DYSF: variants seen among roughly 807,000 people sequenced by gnomAD.
DYSF encodes dysferlin.
Under a neutral mutation model 274.9 loss-of-function variants are expected in DYSF, and 212 were observed. That is an observed-to-expected ratio of 0.77 (90% CI 0.69 to 0.86). The LOEUF (loss-of-function observed/expected upper bound fraction) is 0.86, where lower values mean the gene tolerates loss of function less well. Among genes scored for constraint, DYSF ranks in the 40% least tolerant of loss-of-function variants. The pLI, the probability that DYSF is intolerant of heterozygous loss-of-function variation, is 0.00. For missense variants in DYSF, 2,666 were observed against 2,783.2 expected, an observed-to-expected ratio of 0.96 and a Z score of 0.95; for synonymous variants, 1,091 against 1,078.7, an observed-to-expected ratio of 1.01 and a Z score of -0.22.
rs1228463747 is a variant in DYSF at position 71,555,964 on chromosome 2, G to A, written c.2110-1G>A. 1 of 1,558,298 alleles carries A rather than the reference G, an allele frequency of 6.4e-7. No individual in the cohort carries two copies. ...CTGACCCTTGCCTGCCCATTCCACA[G>A]GAAGCTGGCCTGGAGCAGGTCCACC... On this transcript the variant is annotated splice_acceptor_variant, in intron 21 of 55. Coordinates refer to ENST00000410020, the MANE Select transcript of DYSF (RefSeq NM_001130987.2). LOFTEE classifies it high-confidence loss of function.
At chr2:71,638,352 T>C (rs1430168694) in intron 41 of DYSF, among the ~76,000 whole-genome samples, 3 of 112,778 alleles carry the variant, frequency 2.7e-5, no homozygotes, top group Admixed American at 1.0e-4. Context: ...TAGAATATCC[T>C]CATCACTGCA....
In DYSF at chr2:71,611,362, C is replaced by T; in HGVS notation, c.4059+16C>T. On this transcript the variant is annotated intron_variant, in intron 37 of 55. Transcript: ENST00000410020. ...CGCCATCGAGGTGAGCCGTCCGGGC[C>T]TGGGCGTGGGGGCTGGGAGCAGCCT... 1 of 1,612,676 alleles carries T rather than the reference C, an allele frequency of 6.2e-7. No individual in the cohort carries two copies. The highest frequency in any genetic ancestry group is 1.6e-4 in the Middle Eastern group (1 of 6,062).
At chr2:71,675,083 A>G (rs1033982944) in intron 52 of DYSF, among the ~76,000 whole-genome samples, 5 of 152,088 alleles carry the variant, frequency 3.3e-5, no homozygotes, top group African/African-American at 1.2e-4. Flanking sequence ...CTTCATGTAT[A>G]TGAAATGTCC....
Position 71,466,921 on chromosome 2 carries a change from C to T in DYSF, c.79C>T (p.Leu27=). 1 of 1,550,128 alleles carries T rather than the reference C, an allele frequency of 6.5e-7. No homozygotes were observed. The change falls in exon 1 of 56, where the codon CTG becomes TTG. Residue 27 remains leucine (L), a synonymous_variant. Transcript: ENST00000410020. Reference sequence around the variant, plus strand: ...CCGGCGCAGCGACCCTGTCGCAAGCCTGACTTTCCGAGGTGAGAGCCCCGT... The same window carrying T: ...CCGGCGCAGCGACCCTGTCGCAAGCTTGACTTTCCGAGGTGAGAGCCCCGT... ...KDRRSDPVAS[L]TFRGVKKRTK...
Position 71,681,103 on chromosome 2 carries a change from G to A in DYSF, c.6166G>A (p.Asp2056Asn). The A allele has an allele frequency of 6.2e-7, 1 of 1,614,010 alleles. No homozygotes were observed. Among genetic ancestry groups the A allele is most frequent in the Non-Finnish European group, 8.5e-7 (1 of 1,180,024 alleles). Residue 2056 changes from aspartate (D) to asparagine (N), a missense_variant, in exon 54 of 56, where the codon GAC becomes AAC. Physicochemically the swap from Asp to Asn is conservative, Grantham distance 23 (BLOSUM62 1). Around this residue, in one of 3 missense-constraint regions of DYSF, gnomAD observed 1,460 missense variants for 1,502.1 expected, o/e 0.97. Transcript: ENST00000410020. ...DEPNMNPKLE[D>N]PRRPDTSFLW... is the part of the protein sequence containing the mutation. ...GCCCAACATGAACCCTAAGCTTGAG[G>A]ACCCAAGGTCAGTGCCCAGCCCCTG...
chr2:71,674,312 A>G lies in DYSF; in HGVS notation c.5884+16A>G, dbSNP rs1222913722. 1 of 1,611,552 alleles carries G rather than the reference A, an allele frequency of 6.2e-7. No homozygotes were observed. The highest frequency in any genetic ancestry group is 8.5e-7 in the Non-Finnish European group (1 of 1,177,600). ...GATTTTCTGGGTAAGCGCTATTGCT[A>G]GAATCCCATTCTGCACATGGGGGCT... is the stretch of plus-strand genomic sequence containing the variant. On this transcript the variant is annotated intron_variant, in intron 52 of 55. Transcript: ENST00000410020.
intron 55 of DYSF, among the ~76,000 whole-genome samples, chr2:71,684,614 T>C (rs960150680): frequency 2.0e-5 from 3 of 152,116 alleles, no homozygotes; most frequent in Admixed American, 6.5e-5. Flanking sequence ...CGTGGGAGTT[T>C]AGGAAGAGAA....
At chr2:71,566,361 A>G (rs2092107492) in intron 24 of DYSF, among the ~76,000 whole-genome samples, 1 of 151,260 alleles carries the variant, frequency 6.6e-6, no homozygotes, top group South Asian at 2.1e-4. Flanking sequence ...AGCAAAAAAA[A>G]AAAAAAAAAA....
intron 16 of DYSF, 47 bp from the exon 17 acceptor site, chr2:71,539,110 T>A (rs767407383): frequency 1.9e-6 from 3 of 1,561,494 alleles, no homozygotes; most frequent in Non-Finnish European, 2.6e-6. Flanking sequence ...GGCTGTGGCC[T>A]GCAGTTCCTT....
At chr2:71,602,594 G>T in intron 35 of DYSF, 182 bp from the exon 36 acceptor site, 1 of 615,638 alleles carries the variant, frequency 1.6e-6, no homozygotes, top group Non-Finnish European at 3.0e-6. Flanking sequence ...GGGCGTGGCT[G>T]GGAAGTGCAT....
intron 3 of DYSF, among the ~76,000 whole-genome samples, chr2:71,489,096 T>C (rs1379785682): frequency 1.3e-5 from 2 of 152,340 alleles, no homozygotes; most frequent in South Asian, 2.1e-4. Context: ...CTACACTCCC[T>C]GAACCTTGCT....
At chr2:71,662,812 G>A (rs914053236) in intron 45 of DYSF, among the ~76,000 whole-genome samples, 1 of 151,044 alleles carries the variant, frequency 6.6e-6, no homozygotes, top group Non-Finnish European at 1.5e-5. Flanking sequence ...TCTGTGTGTG[G>A]TGTGTGTATA....
intron 7 of DYSF, 94 bp from the exon 8 acceptor site, chr2:71,515,529 G>A: frequency 6.4e-7 from 1 of 1,566,246 alleles, no homozygotes; most frequent in South Asian, 1.1e-5. Flanking sequence ...CCAGTGGTGA[G>A]ATGGTCCCTG....
At chr2:71,571,560 A>G (rs2092454819) in intron 29 of DYSF, among the ~76,000 whole-genome samples, 1 of 146,350 alleles carries the variant, frequency 6.8e-6, no homozygotes, top group South Asian at 2.2e-4. Flanking sequence ...GCACACGCAC[A>G]GATCACACCC....
chr2:71,685,242 C>G (rs1390439666), intron 55 of DYSF, among the ~76,000 whole-genome samples: 2 of 152,218 alleles, frequency 1.3e-5, no homozygotes, highest in Admixed American at 6.5e-5. Flanking sequence ...TCCTGTCCCC[C>G]CAGCAGCGGG....
rs761337469 is a variant in DYSF, at chr2:71,612,714, G to T, written c.4295G>T (p.Arg1432Leu). 4.3e-6 allele frequency: 7 copies of T among 1,614,036 alleles called. No homozygotes were observed. Among genetic ancestry groups the T allele is most frequent in the Non-Finnish European group, 5.9e-6 (7 of 1,180,042 alleles). The part of the protein sequence containing the change: ...KVIDNRQFGR[R>L]PVVGQCTIRS... Reference sequence around the variant, plus strand: ...ATCGATAACCGCCAGTTTGGCCGCCGGCCTGTGGTGGGCCAGTGTACCATC... The same window carrying T: ...ATCGATAACCGCCAGTTTGGCCGCCTGCCTGTGGTGGGCCAGTGTACCATC... The change falls in exon 39 of 56, where the codon CGG becomes CTG. Residue 1432 changes from arginine to leucine, a missense_variant. Transcript: ENST00000410020.
intron 30 of DYSF, among the ~76,000 whole-genome samples, chr2:71,583,001 G>A (rs1162516938): frequency 8.3e-6 from 1 of 120,034 alleles, no homozygotes; most frequent in Non-Finnish European, 1.6e-5. Context: ...CTGTGATTGC[G>A]CCACTGCACT....
chr2:71,661,145 A>C (rs2094873815), intron 45 of DYSF, among the ~76,000 whole-genome samples: 1 of 151,538 alleles, frequency 6.6e-6, no homozygotes, highest in Admixed American at 6.6e-5. Context: ...AAAGAAAGAA[A>C]AAGTAGAAAT....
At chr2:71,470,673 CAAA>C (rs776955310) in intron 1 of DYSF, among the ~76,000 whole-genome samples, 753 of 57,694 alleles carry the variant, frequency 0.013, 5 homozygotes, top group Non-Finnish European at 0.017. Flanking sequence ...GACTCCATCT[CAAA>C]AAAAAAAAAA....
Sources: allele counts gnomAD v4.1 joint callset (sites outside exome capture counted in the v4.1 genomes callset), GRCh38; gene constraint gnomAD v4.1.1; regional missense constraint gnomAD v4.1.1; transcripts MANE v1.5; gene names NCBI Gene and HGNC (gene_info 2026-07-23, HGNC 2026-07-21).